CNOT6: variants seen among roughly 807,000 people sequenced by gnomAD.
CNOT6 encodes the protein CCR4-NOT transcription complex subunit 6, also known as carbon catabolite repression 4 protein.
Under a neutral mutation model 61.2 loss-of-function variants are expected in CNOT6, and 12 were observed. The ratio of observed to expected loss-of-function variants is 0.20; its 90% CI spans 0.13 to 0.32. CNOT6 has a LOEUF of 0.32. CNOT6 is among the 10% of genes least tolerant of loss of function. The pLI, the probability that CNOT6 is intolerant of heterozygous loss-of-function variation, is 1.00. For missense variants in CNOT6, 405 were observed against 663.9 expected, an observed-to-expected ratio of 0.61 and a Z score of 4.28; for synonymous variants, 225 against 240.6, an observed-to-expected ratio of 0.94 and a Z score of 0.60.
chr5:180,518,825 C>T (rs964031799), intron 1 of CNOT6, among the ~76,000 whole-genome samples: 2 of 152,174 alleles, frequency 1.3e-5, no homozygotes, highest in East Asian at 1.9e-4. Flanking sequence ...GATTTATAAA[C>T]GCGCTCTTTC....
At chr5:180,555,578 T>C (rs1759841798) in intron 4 of CNOT6, among the ~76,000 whole-genome samples, 1 of 152,246 alleles carries the variant, frequency 6.6e-6, no homozygotes, top group African/African-American at 2.4e-5. Context: ...GGACAAATCC[T>C]TTTATTTTTT....
Position 180,574,446 on chromosome 5 carries a change from G to A in CNOT6, c.*246G>A, listed in dbSNP as rs542149710. ...TGCACCTGTCTTTCATTTGTCATAA[G>A]AGATTTTCCTATTTCTTCTACCCAA... On this transcript the variant is annotated 3_prime_UTR_variant, in exon 12 of 12. Transcript: ENST00000261951. 3.7e-6 allele frequency: 2 copies of A among 542,198 alleles called. No homozygotes were observed. The highest frequency in any genetic ancestry group is 3.2e-5 in the Admixed American group (1 of 30,902). 33.6% of individuals were successfully genotyped at this position (542,198 alleles called of 1,614,324 possible).
At chr5:180,531,799 A>G (rs539466757) in intron 2 of CNOT6, among the ~76,000 whole-genome samples, 46 of 152,362 alleles carry the variant, frequency 3.0e-4, no homozygotes, top group African/African-American at 9.9e-4. Flanking sequence ...CCCGGCCAAC[A>G]TGGCGAAACC....
At chr5:180,497,891 A>G (rs1366533654) in intron 1 of CNOT6, among the ~76,000 whole-genome samples, 1 of 152,036 alleles carries the variant, frequency 6.6e-6, no homozygotes, top group Non-Finnish European at 1.5e-5. Flanking sequence ...TAAAAATACA[A>G]AATTAGCCAG....
rs1491395947 is a variant in CNOT6, at chr5:180,541,440, AAT to A, written c.113-8490_113-8489del. ...CATGAACCACCACAACTGGCCAAGAAATTTTTTTTTTTTTTTTTTTTTTTTTT... is the reference window on the plus strand; with the variant it reads ...CATGAACCACCACAACTGGCCAAGAATTTTTTTTTTTTTTTTTTTTTTTTT... On this transcript the variant is annotated intron_variant, in intron 2 of 11. Transcript: ENST00000261951. Among the ~76,000 whole-genome samples the A allele has an allele frequency of 6.8e-5, 7 of 102,928 alleles. 2 individuals carry two copies. Among genetic ancestry groups the A allele is most frequent in the African/African-American group, 1.8e-4 (5 of 27,380 alleles). 67.5% of individuals were successfully genotyped at this position (102,928 alleles called of 152,430 possible). A position where few individuals can be genotyped will look rare whatever the true frequency, so the allele number is the denominator to read the frequency against.
intron 1 of CNOT6, among the ~76,000 whole-genome samples, chr5:180,524,552 T>G (rs958195065): frequency 2.6e-5 from 4 of 152,168 alleles, no homozygotes; most frequent in Admixed American, 2.6e-4. Context: ...CTTTAAATTT[T>G]AAGACAGCCA....
At chr5:180,502,456 A>G (rs1756907239) in intron 1 of CNOT6, among the ~76,000 whole-genome samples, 1 of 152,260 alleles carries the variant, frequency 6.6e-6, no homozygotes, top group African/African-American at 2.4e-5. Flanking sequence ...CTAGAAGGAT[A>G]AGATTTGCTT....
intron 1 of CNOT6, among the ~76,000 whole-genome samples, chr5:180,505,037 C>T (rs1271106833): frequency 1.4e-5 from 2 of 144,848 alleles, no homozygotes; most frequent in Non-Finnish European, 3.0e-5. Context: ...TGACTCGCTG[C>T]AAGCTCTGCC....
chr5:180,498,793 C>T (rs751507564), intron 1 of CNOT6, among the ~76,000 whole-genome samples: 4 of 152,098 alleles, frequency 2.6e-5, no homozygotes. Flanking sequence ...GAGTTAGTGA[C>T]TTTGAATCTG....
intron 1 of CNOT6, among the ~76,000 whole-genome samples, chr5:180,512,624 GTCT>G (rs1477709301): frequency 6.6e-6 from 1 of 152,214 alleles, no homozygotes; most frequent in Non-Finnish European, 1.5e-5. Context: ...TTGAGACAGA[GTCT>G]TGCTCTGTTG....
intron 1 of CNOT6, among the ~76,000 whole-genome samples, chr5:180,518,504 T>TG (rs893981431): frequency 6.8e-5 from 10 of 147,946 alleles, no homozygotes; most frequent in East Asian, 2.0e-4. Flanking sequence ...TTTGTGTGTG[T>TG]GGGGGGGAGG....
At position 180,558,192 on chromosome 5, in the gene CNOT6, A is replaced by T. The variant is rs145242292; in HGVS notation, c.385+4721A>T. On this transcript the variant is annotated intron_variant, in intron 4 of 11. Coordinates refer to ENST00000261951, the MANE Select transcript of CNOT6 (RefSeq NM_001370472.1). ...AACACACTCCAGGCTACTGGGGTCT[A>T]GTGATGAGGCACTTTTGTCAGGACG... Among the ~76,000 whole-genome samples, 301 of 152,288 alleles carry T rather than the reference A, an allele frequency of 2.0e-3. 2 individuals carry two copies. The highest frequency in any genetic ancestry group is 3.4e-3 in the Non-Finnish European group (230 of 68,032).
intron 2 of CNOT6, among the ~76,000 whole-genome samples, chr5:180,535,597 T>C (rs1414620283): frequency 1.3e-5 from 2 of 152,258 alleles, no homozygotes; most frequent in Non-Finnish European, 2.9e-5. Context: ...TCTTTGCTAT[T>C]GTGAATAGTG....
chr5:180,507,398 G>T (rs1014074078), intron 1 of CNOT6, among the ~76,000 whole-genome samples: 3 of 152,172 alleles, frequency 2.0e-5, no homozygotes, highest in Non-Finnish European at 4.4e-5. Context: ...TCAGGAGTTC[G>T]AGACTAGCCT....
chr5:180,570,994 C>T (rs1760721493), intron 10 of CNOT6, among the ~76,000 whole-genome samples: 1 of 152,152 alleles, frequency 6.6e-6, no homozygotes, highest in Admixed American at 6.5e-5. Flanking sequence ...TTGCATTGTG[C>T]AGCCATTAAA....
chr5:180,549,980 A>G lies in CNOT6; in HGVS notation c.162A>G (p.Thr54=). The change falls in exon 3 of 12, where the codon ACA becomes ACG. Residue 54 remains threonine (T), a synonymous_variant. Coordinates refer to ENST00000261951, the MANE Select transcript of CNOT6 (RefSeq NM_001370472.1). ...SASLWSLTHL[T]ALHLSDNSLS... is the part of the protein sequence containing the mutation. ...CTTTGTGGTCACTAACTCACCTGAC[A>G]GCTTTGCATTTGAGTGACAATTCCC... The G allele has an allele frequency of 1.2e-6, 2 of 1,614,120 alleles. No homozygotes were observed. Among genetic ancestry groups the G allele is most frequent in the Non-Finnish European group, 8.5e-7 (1 of 1,179,966 alleles).
intron 1 of CNOT6, among the ~76,000 whole-genome samples, chr5:180,517,343 G>C (rs1757681835): frequency 6.6e-6 from 1 of 152,024 alleles, no homozygotes; most frequent in Admixed American, 6.6e-5. Context: ...TTCCCAGGCT[G>C]ATCTTGAATT....
chr5:180,564,474 CA>C lies in CNOT6; in HGVS notation c.386-10del. On this transcript the variant is annotated splice_polypyrimidine_tract_variant and intron_variant, in intron 4 of 11. Transcript: ENST00000261951. ...TTACTTAGTTTCATTTTACTTATTT[CA>C]AAAATATTTCCAGGAAATCCCCTTA... 1 of 1,556,902 alleles carries C rather than the reference CA, an allele frequency of 6.4e-7. No homozygotes were observed. Among genetic ancestry groups the C allele is most frequent in the Non-Finnish European group, 8.8e-7 (1 of 1,137,568 alleles).
chr5:180,565,896 A>G lies in CNOT6; in HGVS notation c.636A>G (p.Ser212=), dbSNP rs1398228468. The G allele has an allele frequency of 2.7e-5, 43 of 1,613,886 alleles. No individual in the cohort carries two copies. The highest frequency in any genetic ancestry group is 3.2e-5 in the Non-Finnish European group (38 of 1,179,938). The change falls in exon 7 of 12, where the codon TCA becomes TCG. Residue 212 remains serine (S), a synonymous_variant. Transcript: ENST00000261951. ...ATRQLYGYCP[S]WALNWDYRKK... ...GGCAGTTATACGGCTACTGTCCATC[A>G]TGGGCGCTAAACTGGGACTACAGGA...
Sources: allele counts gnomAD v4.1 joint callset (sites outside exome capture counted in the v4.1 genomes callset), GRCh38; gene constraint gnomAD v4.1.1; transcripts MANE v1.5; gene names NCBI Gene and HGNC (gene_info 2026-07-23, HGNC 2026-07-21).